Variants in NUP98 observed in about 807,000 individuals in gnomAD.
NUP98 encodes nuclear pore complex protein Nup98-Nup96.
Under a neutral mutation model 191.9 loss-of-function variants are expected in NUP98, and 26 were observed. The observed-to-expected ratio is 0.14, with a 90% CI of 0.10 to 0.19. The LOEUF (loss-of-function observed/expected upper bound fraction) is 0.19. NUP98 is among the 10% of genes least tolerant of loss of function. The pLI, the probability that NUP98 is intolerant of heterozygous loss-of-function variation, is 1.00. For missense variants in NUP98, 1,941 were observed against 2,178.8 expected (o/e 0.89, Z 2.17); for synonymous variants, 808 against 778.4 (o/e 1.04, Z -0.63).
chr11:3,742,665 C>T (rs1002128206), intron 12 of NUP98, among the ~76,000 whole-genome samples: 1 of 135,404 alleles, frequency 7.4e-6, no homozygotes, highest in African/African-American at 2.7e-5. Context: ...CATCACTGCA[C>T]TCCAGCCTAG....
At chr11:3,774,320 G>A (rs572050854) in intron 5 of NUP98, among the ~76,000 whole-genome samples, 5 of 152,156 alleles carry the variant, frequency 3.3e-5, no homozygotes, top group Non-Finnish European at 5.9e-5. Flanking sequence ...GCTGAGGCAG[G>A]AGAATCGCTT....
In NUP98 at chr11:3,768,613, T is replaced by C; in HGVS notation, c.916A>G (p.Ser306Gly). Residue 306 changes from serine (S) to glycine (G), a missense_variant, in exon 8 of 33, where the codon AGC becomes GGC. Coordinates refer to ENST00000324932, the MANE Select transcript of NUP98 (RefSeq NM_016320.5). ...QNTGFSFGNT[S>G]TIGQPSTNTM... is the part of the protein sequence containing the mutation. ...TTGGTGCTTGGCTGTCCTATGGTGC[T>C]GGTATTACCAAAGGAAAAGCCAGTG... 6.2e-7 allele frequency: 1 copy of C among 1,609,026 alleles called. No homozygotes were observed. The highest frequency in any genetic ancestry group is 8.5e-7 in the Non-Finnish European group (1 of 1,177,686).
intron 8 of NUP98, among the ~76,000 whole-genome samples, chr11:3,767,829 AC>A (rs1328849299): frequency 6.6e-6 from 1 of 151,742 alleles, no homozygotes; most frequent in Non-Finnish European, 1.5e-5. Context: ...AAAAAAAAAA[AC>A]AAAAAAACTT....
chr11:3,691,477 T>C lies in NUP98; in HGVS notation c.4324A>G (p.Ser1442Gly), dbSNP rs766833928. 2 of 1,614,152 alleles carry C rather than the reference T, an allele frequency of 1.2e-6. No homozygotes were observed. Among genetic ancestry groups the C allele is most frequent in the East Asian group, 4.5e-5 (2 of 44,892 alleles). ...YEEAFQNTSDSDRYACSPLPS... is the reference protein window; with the variant it reads ...YEEAFQNTSDGDRYACSPLPS... ...AGTGGGGAGCAGGCATATCTGTCACTGTCAGAGGTATTCTGAAGGAATAAT... is the reference window on the plus strand; with the variant it reads ...AGTGGGGAGCAGGCATATCTGTCACCGTCAGAGGTATTCTGAAGGAATAAT... The change falls in exon 28 of 33, where the codon AGT becomes GGT. Residue 1442 changes from serine to glycine, a missense_variant. Ser to Gly is a moderately conservative substitution (Grantham distance 56, BLOSUM62 0). Coordinates refer to ENST00000324932, the MANE Select transcript of NUP98 (RefSeq NM_016320.5).
At chr11:3,743,450 T>C (rs1469623390) in intron 12 of NUP98, among the ~76,000 whole-genome samples, 1 of 130,668 alleles carries the variant, frequency 7.7e-6, no homozygotes, top group African/African-American at 2.8e-5. Flanking sequence ...ATCGAGACCA[T>C]CCTGGCTAAC....
At chr11:3,776,455 C>T (rs1295298294) in intron 4 of NUP98, among the ~76,000 whole-genome samples, 2 of 150,492 alleles carry the variant, frequency 1.3e-5, no homozygotes, top group Admixed American at 6.7e-5. Context: ...CCTTTCAAGT[C>T]TCCCAAGCAA....
At chr11:3,709,822 G>A (rs1176883228) in intron 20 of NUP98, among the ~76,000 whole-genome samples, 13 of 4,668 alleles carry the variant, frequency 2.8e-3, no homozygotes, top group Non-Finnish European at 0.015. Context: ...TTGTGGGGTG[G>A]GGGGAGGGGG....
At chr11:3,771,535 C>T (rs1044956383) in intron 7 of NUP98, among the ~76,000 whole-genome samples, 4 of 152,178 alleles carry the variant, frequency 2.6e-5, no homozygotes, top group Admixed American at 6.5e-5. Context: ...ACTGCTCAAA[C>T]ATCACCTTCT....
chr11:3,738,907 C>T (rs1259412774), intron 12 of NUP98, among the ~76,000 whole-genome samples: 2 of 151,734 alleles, frequency 1.3e-5, no homozygotes, highest in African/African-American at 4.8e-5. Flanking sequence ...TTGGTTTCCA[C>T]ACAACCAGAA....
chr11:3,757,976 C>T (rs1005029559), intron 10 of NUP98, among the ~76,000 whole-genome samples: 3 of 151,796 alleles, frequency 2.0e-5, no homozygotes, highest in African/African-American at 7.2e-5. Context: ...TAAGCAGATA[C>T]ACAGTATATG....
chr11:3,753,190 G>GC lies in NUP98; in HGVS notation c.1267+125dup, dbSNP rs565113153. The GC allele has an allele frequency of 1.1e-4, 85 of 771,762 alleles. No homozygotes were observed. The South Asian group carries it at 1.3e-3, about 11-fold the overall frequency. The allele number at this position is 771,762 out of a possible 1,614,324, so 47.8% of individuals were successfully genotyped here. A position where few individuals can be genotyped will look rare whatever the true frequency, so the allele number is the denominator to read the frequency against. On this transcript the variant is annotated intron_variant, in intron 11 of 32. Coordinates refer to ENST00000324932, the MANE Select transcript of NUP98 (RefSeq NM_016320.5). ...TAACTGCTGGGAATGTCTTATAAAC[G>GC]CAACTGGAAAAACGAAAAGGTAGAC...
intron 2 of NUP98, among the ~76,000 whole-genome samples, chr11:3,779,529 T>C (rs896001627): frequency 4.0e-5 from 6 of 151,544 alleles, no homozygotes; most frequent in Non-Finnish European, 8.8e-5. Context: ...TAATCCCAGC[T>C]ACTAGGGAGG....
chr11:3,772,026 C>A, intron 6 of NUP98, 98 bp from the exon 7 acceptor site: 6 of 965,678 alleles, frequency 6.2e-6, no homozygotes, highest in African/African-American at 1.6e-5. Context: ...GTTCTATGTT[C>A]ACATAGGAAC....
intron 23 of NUP98, among the ~76,000 whole-genome samples, chr11:3,701,572 A>C (rs568322629): frequency 6.6e-6 from 1 of 151,792 alleles, no homozygotes; most frequent in Non-Finnish European, 1.5e-5. Flanking sequence ...TTTAAGATTG[A>C]TATTAATAAC....
In NUP98 at chr11:3,771,996, T is replaced by C. The variant is rs927150875; in HGVS notation, c.604-68A>G. On this transcript the variant is annotated intron_variant, in intron 6 of 32. Coordinates refer to ENST00000324932, the MANE Select transcript of NUP98 (RefSeq NM_016320.5). ...AAAAATAATTATTTAGGAGGCTAAATACTTGAATTTAGTATTCAAGTTCTA... is the reference window on the plus strand; with the variant it reads ...AAAAATAATTATTTAGGAGGCTAAACACTTGAATTTAGTATTCAAGTTCTA... The C allele has an allele frequency of 3.0e-6, 4 of 1,341,768 alleles. No homozygotes were observed. In the African/African-American group the frequency reaches 5.8e-5, roughly 20 times the overall value. 83.1% of individuals were successfully genotyped at this position (1,341,768 alleles called of 1,614,324 possible).
chr11:3,701,477 G>C (rs2078676547), intron 23 of NUP98, among the ~76,000 whole-genome samples: 1 of 151,886 alleles, frequency 6.6e-6, no homozygotes, highest in Admixed American at 6.6e-5. Context: ...GGCCAGGCTG[G>C]TCTCGAACTC....
rs1310232273 is a variant in NUP98, at chr11:3,695,431, G to A, written c.4167+18C>T. The A allele has an allele frequency of 1.3e-6, 2 of 1,514,604 alleles. No homozygotes were observed. The highest frequency in any genetic ancestry group is 1.3e-5 in the South Asian group (1 of 77,842). 93.8% of individuals were successfully genotyped at this position (1,514,604 alleles called of 1,614,324 possible). ...TGAAAAAACCAATGTGAGATATTAT[G>A]GTAAAAGTAGAAGATACCGGTTTTC... On this transcript the variant is annotated intron_variant, in intron 26 of 32. Coordinates refer to ENST00000324932, the MANE Select transcript of NUP98 (RefSeq NM_016320.5).
In NUP98 at chr11:3,727,289, C is replaced by CAAAACA. The variant is rs376847840; in HGVS notation, c.1731-2076_1731-2071dup. Reference sequence around the variant, plus strand: ...CGGGCAACACAGGAAGACCTCATCTCAAAACAAAAACAAAAACAAAAACAA... The same window carrying CAAAACA: ...CGGGCAACACAGGAAGACCTCATCTCAAAACAAAAACAAAAACAAAAACAAAAACAA... On this transcript the variant is annotated intron_variant, in intron 14 of 32. Transcript: ENST00000324932. Among the ~76,000 whole-genome samples the CAAAACA allele has an allele frequency of 2.9e-4, 44 of 151,904 alleles. 1 individual carries two copies. Among genetic ancestry groups the CAAAACA allele is most frequent in the South Asian group, 1.0e-3 (5 of 4,804 alleles).
intron 27 of NUP98, among the ~76,000 whole-genome samples, chr11:3,691,707 C>A (rs920121799): frequency 6.6e-6 from 1 of 152,132 alleles, no homozygotes; most frequent in Non-Finnish European, 1.5e-5. Context: ...CTGCACACCA[C>A]CACACCCGGC....
Sources: gnomAD v4.1 joint callset for allele counts (sites outside exome capture counted in the v4.1 genomes callset) on GRCh38, gnomAD v4.1.1 for gene constraint, MANE v1.5 for transcripts, NCBI Gene and HGNC (gene_info 2026-07-23, HGNC 2026-07-21) for gene names.